The following ANO3 variants were observed in gnomAD, a reference collection of about 807,000 sequenced individuals.
The protein encoded by ANO3 is anoctamin-3.
Under a neutral mutation model 144.8 loss-of-function variants are expected in ANO3, and 99 were observed. The ratio of observed to expected loss-of-function variants is 0.68; its 90% CI spans 0.58 to 0.81. The LOEUF (loss-of-function observed/expected upper bound fraction) is 0.81. ANO3 is among the 30% of genes least tolerant of loss of function. ANO3 has a pLI of 0.00. For missense variants in ANO3, 905 were observed against 1,202.2 expected, an observed-to-expected ratio of 0.75 and a Z score of 3.66; for synonymous variants, 414 against 392.6, an observed-to-expected ratio of 1.05 and a Z score of -0.64.
At chr11:26,648,413 T>C (rs905960092) in intron 24 of ANO3, among the ~76,000 whole-genome samples, 2 of 152,222 alleles carry the variant, frequency 1.3e-5, no homozygotes, top group Admixed American at 1.3e-4. Flanking sequence ...TCTCAGCCTC[T>C]GCACTATTGA....
chr11:26,280,261 C>A (rs1032348793), intron 1 of ANO3, among the ~76,000 whole-genome samples: 1 of 152,180 alleles, frequency 6.6e-6, no homozygotes, highest in East Asian at 1.9e-4. Flanking sequence ...ATTATCACAT[C>A]TACCCCGCTA....
At chr11:26,399,821 T>G (rs970315339) in intron 1 of ANO3, among the ~76,000 whole-genome samples, 24 of 152,030 alleles carry the variant, frequency 1.6e-4, no homozygotes, top group African/African-American at 5.8e-4. Context: ...AAAGTAAGTC[T>G]TTCTCCCTGC....
At chr11:26,601,764 G>A (rs1329048365) in intron 17 of ANO3, among the ~76,000 whole-genome samples, 2 of 152,180 alleles carry the variant, frequency 1.3e-5, no homozygotes, top group Non-Finnish European at 2.9e-5. Flanking sequence ...AGAGGTTATT[G>A]CAATTGGCCC....
chr11:26,260,184 A>C (rs999971012), intron 1 of ANO3, among the ~76,000 whole-genome samples: 1 of 151,872 alleles, frequency 6.6e-6, no homozygotes, highest in African/African-American at 2.4e-5. Context: ...CTTGATAAGG[A>C]AGTGTTCCAG....
At chr11:26,206,769 A>T (rs1479984823) in intron 1 of ANO3, among the ~76,000 whole-genome samples, 1 of 152,212 alleles carries the variant, frequency 6.6e-6, no homozygotes, top group African/African-American at 2.4e-5. Flanking sequence ...CATTGAGCAG[A>T]TGAATGAACA....
chr11:26,194,098 A>G (rs957032504), intron 1 of ANO3, among the ~76,000 whole-genome samples: 1 of 152,228 alleles, frequency 6.6e-6, no homozygotes, highest in African/African-American at 2.4e-5. Context: ...AATATCTAGC[A>G]TATGCTAACT....
chr11:26,332,006 C>T (rs2133888441), upstream of ANO3: 1 of 911,780 alleles, frequency 1.1e-6, no homozygotes, highest in Non-Finnish European at 1.6e-6. Context: ...AACGCCCACC[C>T]CTCACTGTGG....
chr11:26,225,767 A>G (rs72872737), intron 1 of ANO3, among the ~76,000 whole-genome samples: 6,581 of 152,196 alleles, frequency 0.043, 201 homozygotes, highest in Middle Eastern at 0.065. Context: ...CTTTTCAAAC[A>G]TTTTTCTTCT....
At chr11:26,491,881 A>G (rs1318517215) in intron 4 of ANO3, among the ~76,000 whole-genome samples, 4 of 152,256 alleles carry the variant, frequency 2.6e-5, no homozygotes, top group African/African-American at 7.2e-5. Context: ...ACTTAAAAGT[A>G]AAAGAGTTAA....
chr11:26,615,410 ATATATTTTTT>A (rs1852225463), intron 17 of ANO3, among the ~76,000 whole-genome samples: 1 of 99,820 alleles, frequency 1.0e-5, no homozygotes, highest in South Asian at 3.8e-4. Flanking sequence ...ATATATATAT[ATATATTTTTT>A]TTTTTTCAGT....
At chr11:26,643,432 C>A in intron 23 of ANO3, 98 bp downstream of exon 23, 1 of 1,449,444 alleles carries the variant, frequency 6.9e-7, no homozygotes, top group Non-Finnish European at 9.4e-7. Flanking sequence ...ACTTAATTGC[C>A]AGTGTCATAG....
At chr11:26,367,714 G>A (rs982254617) in intron 1 of ANO3, among the ~76,000 whole-genome samples, 3 of 152,110 alleles carry the variant, frequency 2.0e-5, no homozygotes, top group Non-Finnish European at 4.4e-5. Context: ...AGTTCTGCAG[G>A]CTTTACTGCA....
At chr11:26,523,848 C>G (rs1340897768) in intron 6 of ANO3, among the ~76,000 whole-genome samples, 1 of 152,136 alleles carries the variant, frequency 6.6e-6, no homozygotes, top group Non-Finnish European at 1.5e-5. Flanking sequence ...CAAATGCCAA[C>G]CAACCCTCTC....
At chr11:26,483,747 T>A (rs545334997) in intron 4 of ANO3, among the ~76,000 whole-genome samples, 1 of 152,306 alleles carries the variant, frequency 6.6e-6, no homozygotes, top group East Asian at 1.9e-4. Context: ...GCTATAAATA[T>A]ACCTGAAAAT....
chr11:26,656,877 G>T (rs1239391963), intron 26 of ANO3, among the ~76,000 whole-genome samples: 1 of 152,088 alleles, frequency 6.6e-6, no homozygotes, highest in East Asian at 1.9e-4. Context: ...AATTACAGTT[G>T]ATCACTTATA....
Position 26,595,460 on chromosome 11 carries a change from GTTT to G in ANO3, c.1448-2880_1448-2878del, listed in dbSNP as rs201712393. Reference sequence around the variant, plus strand: ...TTTGACTCAGTATTGAGATAGAGTTGTTTTTTTTTTTTTTTTTTTTTTTTTTTA... The same window carrying G: ...TTTGACTCAGTATTGAGATAGAGTTGTTTTTTTTTTTTTTTTTTTTTTTTA... On this transcript the variant is annotated intron_variant, in intron 14 of 26. Coordinates refer to ENST00000256737, the MANE Select transcript of ANO3 (RefSeq NM_031418.4). Among the ~76,000 whole-genome samples, 28 of 101,382 alleles carry G rather than the reference GTTT, an allele frequency of 2.8e-4. No individual in the cohort carries two copies. The South Asian group carries it at 7.3e-3, about 27-fold the overall frequency. The allele number at this position is 101,382 out of a possible 152,430, so 66.5% of individuals were successfully genotyped here. A position where few individuals can be genotyped will look rare whatever the true frequency, so the allele number is the denominator to read the frequency against.
At chr11:26,242,061 G>T (rs1202871729) in intron 1 of ANO3, among the ~76,000 whole-genome samples, 3 of 152,178 alleles carry the variant, frequency 2.0e-5, no homozygotes, top group African/African-American at 7.2e-5. Flanking sequence ...TCAAAGAAAG[G>T]ATGTTTTGTG....
chr11:26,462,217 GATCTA>G (rs1277076832), intron 3 of ANO3, among the ~76,000 whole-genome samples: 1 of 151,846 alleles, frequency 6.6e-6, no homozygotes, highest in East Asian at 1.9e-4. Context: ...GATATCAACT[GATCTA>G]ATCAAATAAC....
intron 1 of ANO3, among the ~76,000 whole-genome samples, chr11:26,428,636 G>A (rs115378691): frequency 0.022 from 3,296 of 152,154 alleles, 57 homozygotes; most frequent in African/African-American, 0.039. Flanking sequence ...AGCCCTTCCC[G>A]AGGAGTCAGT....
Sources: allele counts gnomAD v4.1 joint callset (sites outside exome capture counted in the v4.1 genomes callset), GRCh38; gene constraint gnomAD v4.1.1; transcripts MANE v1.5; gene names NCBI Gene and HGNC (gene_info 2026-07-23, HGNC 2026-07-21).